Variants in COL28A1 observed in about 807,000 individuals in gnomAD.
COL28A1 encodes collagen type XXVIII alpha 1 chain.
A neutral mutation model predicts 150.2 loss-of-function variants in COL28A1; 161 were observed. That is an observed-to-expected ratio of 1.07 (90% confidence interval 0.94 to 1.22). COL28A1 has a LOEUF of 1.22. Ranked by LOEUF, COL28A1 falls within the 50% of genes most tolerant of loss-of-function variation. The pLI is 0.00. For missense variants in COL28A1, 1,617 were observed against 1,388.3 expected (o/e 1.16, Z -2.62); for synonymous variants, 552 against 469.7 (o/e 1.18, Z -2.26).
At chr7:7,485,776 C>A (rs76402071) in intron 13 of COL28A1, among the ~76,000 whole-genome samples, 14,839 of 151,962 alleles carry the variant, frequency 0.098, 884 homozygotes, top group Middle Eastern at 0.2. Context: ...TTGTGTAGGT[C>A]TGAATCTGGG....
chr7:7,437,842 C>T (rs1275688578), intron 21 of COL28A1, among the ~76,000 whole-genome samples: 1 of 151,994 alleles, frequency 6.6e-6, no homozygotes, highest in African/African-American at 2.4e-5. Flanking sequence ...TTAGGGTGTA[C>T]TTCTAGGTTA....
In COL28A1 at chr7:7,503,688, A is replaced by G. The variant is rs114690967; in HGVS notation, c.1026+2326T>C. Among the ~76,000 whole-genome samples the G allele has an allele frequency of 3.9e-3, 593 of 152,348 alleles. 2 individuals carry two copies. Among genetic ancestry groups the G allele is most frequent in the African/African-American group, 0.013 (561 of 41,578 alleles). On this transcript the variant is annotated intron_variant, in intron 11 of 34. Coordinates refer to ENST00000399429, the MANE Select transcript of COL28A1 (RefSeq NM_001037763.3). ...ACACTAATAAGTGTATAAAATGAAAAAAATAGCTAATGACCAATATGACAT... is the reference window on the plus strand; with the variant it reads ...ACACTAATAAGTGTATAAAATGAAAGAAATAGCTAATGACCAATATGACAT...
At chr7:7,404,258 T>C (rs772584428) in intron 27 of COL28A1, among the ~76,000 whole-genome samples, 33 of 151,818 alleles carry the variant, frequency 2.2e-4, no homozygotes, top group Non-Finnish European at 2.9e-4. Context: ...CCCTCAGAGG[T>C]CAAGGAGCTT....
chr7:7,504,371 T>A (rs1780695102), intron 11 of COL28A1, among the ~76,000 whole-genome samples: 1 of 152,080 alleles, frequency 6.6e-6, no homozygotes, highest in Non-Finnish European at 1.5e-5. Context: ...CACAGTGGTA[T>A]GTGCCTCTAG....
intron 16 of COL28A1, among the ~76,000 whole-genome samples, chr7:7,455,298 T>A (rs1247049385): frequency 6.6e-6 from 1 of 152,214 alleles, no homozygotes; most frequent in African/African-American, 2.4e-5. Flanking sequence ...CGTAAGTATA[T>A]GGCAAACAAC....
chr7:7,510,974 C>G (rs887627658), intron 9 of COL28A1, 117 bp downstream of exon 9: 1 of 763,668 alleles, frequency 1.3e-6, no homozygotes, highest in Non-Finnish European at 2.3e-6. Flanking sequence ...AAAAATTGAG[C>G]CATTGATTCC....
At position 7,358,794 on chromosome 7, in the gene COL28A1, A is replaced by G; in HGVS notation, c.3217T>C (p.Leu1073=). 1 of 1,613,652 alleles carries G rather than the reference A, an allele frequency of 6.2e-7. No individual in the cohort carries two copies. The highest frequency in any genetic ancestry group is 1.1e-5 in the South Asian group (1 of 90,948). The change falls in exon 35 of 35, where the codon TTG becomes CTG. Residue 1073 remains leucine, a synonymous_variant. Transcript: ENST00000399429. ...CAGTTTCCAGGCTTCAAGGCTTCCAAACATCTAGGATCTAGAGTGAGAAAA... is the reference window on the plus strand; with the variant it reads ...CAGTTTCCAGGCTTCAAGGCTTCCAGACATCTAGGATCTAGAGTGAGAAAA... ...PVDGAEDPRC[L]EALKPGNCGE...
intron 5 of COL28A1, among the ~76,000 whole-genome samples, chr7:7,520,638 C>T (rs1454006628): frequency 1.3e-5 from 2 of 152,150 alleles, no homozygotes; most frequent in Non-Finnish European, 1.5e-5. Context: ...TTTCCTGTTC[C>T]TAATCAACCA....
intron 15 of COL28A1, among the ~76,000 whole-genome samples, chr7:7,462,369 A>C (rs1787699815): frequency 6.6e-6 from 1 of 152,226 alleles, no homozygotes; most frequent in Non-Finnish European, 1.5e-5. Context: ...ATAGATCCAA[A>C]CAAGAAGACA....
chr7:7,407,103 A>G (rs1165851639), intron 27 of COL28A1, among the ~76,000 whole-genome samples: 1 of 152,130 alleles, frequency 6.6e-6, no homozygotes, highest in Non-Finnish European at 1.5e-5. Context: ...GAACTGGAAA[A>G]TAGAATAGAA....
rs1347614901 is a variant in COL28A1 at position 7,373,951 on chromosome 7, G to A, written c.2360-405C>T. Among the ~76,000 whole-genome samples the A allele has an allele frequency of 4.7e-5, 7 of 148,300 alleles. No individual in the cohort carries two copies. Among genetic ancestry groups the A allele is most frequent in the Non-Finnish European group, 8.9e-5 (6 of 67,402 alleles). On this transcript the variant is annotated intron_variant, in intron 31 of 34. Transcript: ENST00000399429. The surrounding 1 kb of genome is among the most constrained non-coding windows in gnomAD (Gnocchi z 4.1). Reference sequence around the variant, plus strand: ...CCTGACCTCGTGATATGCCCGCCTCGGCCTCCCAAAGTGCTGGGATTACAG... The same window carrying A: ...CCTGACCTCGTGATATGCCCGCCTCAGCCTCCCAAAGTGCTGGGATTACAG...
At chr7:7,493,125 A>C (rs1028650043) in intron 11 of COL28A1, among the ~76,000 whole-genome samples, 6 of 150,614 alleles carry the variant, frequency 4.0e-5, no homozygotes, top group Admixed American at 4.0e-4. Context: ...GTCTGGCTAA[A>C]AAAAATACAA....
At chr7:7,536,636 C>T (rs1782650062), upstream of COL28A1, among the ~76,000 whole-genome samples, 1 of 152,110 alleles carries the variant, frequency 6.6e-6, no homozygotes, top group South Asian at 2.1e-4. Flanking sequence ...CCCTAGACAG[C>T]TAACAGGCAG....
intron 27 of COL28A1, among the ~76,000 whole-genome samples, chr7:7,412,522 G>A (rs1583315053): frequency 6.6e-6 from 1 of 152,220 alleles, no homozygotes; most frequent in South Asian, 2.1e-4. Context: ...AGGGACTAGC[G>A]AAAGGGAAGG....
intron 27 of COL28A1, among the ~76,000 whole-genome samples, chr7:7,403,817 G>C (rs926399546): frequency 3.3e-5 from 5 of 152,024 alleles, no homozygotes; most frequent in Non-Finnish European, 7.4e-5. Context: ...TAATTTAGTG[G>C]GTAGATTTGC....
intron 15 of COL28A1, among the ~76,000 whole-genome samples, chr7:7,470,854 C>T (rs921335710): frequency 5.5e-5 from 7 of 128,250 alleles, no homozygotes; most frequent in Non-Finnish European, 9.4e-5. Flanking sequence ...AGTAAACTAT[C>T]GTAAGAACAA....
rs34049695 is a variant in COL28A1, at chr7:7,367,815, T to TAA, written c.3066+2908_3066+2909dup. Among the ~76,000 whole-genome samples the TAA allele has an allele frequency of 8.6e-3, 1,222 of 142,650 alleles. 28 individuals are homozygous for TAA. Among genetic ancestry groups the TAA allele is most frequent in the Admixed American group, 0.05 (722 of 14,368 alleles). The allele number at this position is 142,650 out of a possible 152,430, so 93.6% of individuals were successfully genotyped here. A position where few individuals can be genotyped will look rare whatever the true frequency, so the allele number is the denominator to read the frequency against. ...GCAAACTAAACTCACTATTTTCCTT[T>TAA]AAAAAAAAAAAAAACCACCCTGCCT... On this transcript the variant is annotated intron_variant, in intron 33 of 34. Coordinates refer to ENST00000399429, the MANE Select transcript of COL28A1 (RefSeq NM_001037763.3).
At chr7:7,458,133 T>C (rs1490248978) in intron 15 of COL28A1, among the ~76,000 whole-genome samples, 1 of 152,206 alleles carries the variant, frequency 6.6e-6, no homozygotes, top group Non-Finnish European at 1.5e-5. Flanking sequence ...AAATGTATCA[T>C]TTGCTGGGCG....
intron 27 of COL28A1, among the ~76,000 whole-genome samples, chr7:7,416,020 C>T (rs1784059694): frequency 6.6e-6 from 1 of 152,186 alleles, no homozygotes; most frequent in African/African-American, 2.4e-5. Context: ...CCAGGCTGGT[C>T]TTGAACTCCT....
Sources: gnomAD v4.1 joint callset for allele counts (sites outside exome capture counted in the v4.1 genomes callset) on GRCh38, gnomAD v4.1.1 for gene constraint, Gnocchi (gnomAD v3.1) non-coding constraint, MANE v1.5 for transcripts, NCBI Gene and HGNC (gene_info 2026-07-23, HGNC 2026-07-21) for gene names.